Variants in DNASE2 observed in about 807,000 individuals in gnomAD.
DNASE2 encodes the protein deoxyribonuclease-2-alpha.
DNASE2 carries 26 observed loss-of-function variants against 29.8 expected under a neutral mutation model. The ratio of observed to expected loss-of-function variants is 0.87; its 90% CI spans 0.64 to 1.21. The LOEUF is 1.21. Ranked by LOEUF, DNASE2 falls within the 50% of genes most tolerant of loss-of-function variation. The pLI is 0.00. For missense variants in DNASE2, 415 were observed against 455.6 expected (o/e 0.91, Z 0.81); for synonymous variants, 186 against 193.5 (o/e 0.96, Z 0.32).
At chr19:12,876,620 C>T (rs1221030773) in intron 5 of DNASE2, among the ~76,000 whole-genome samples, 2 of 151,312 alleles carry the variant, frequency 1.3e-5, no homozygotes, top group East Asian at 1.9e-4. Flanking sequence ...CAACCATACC[C>T]GGCTAATTTT....
Position 12,875,733 on chromosome 19 carries a change from T to TA in DNASE2, c.*256dup. 3.7e-6 allele frequency: 1 copy of TA among 270,430 alleles called. No homozygotes were observed. The highest frequency in any genetic ancestry group is 3.7e-5 in the South Asian group (1 of 27,016). The allele number at this position is 270,430 out of a possible 1,614,324, so 16.8% of individuals were successfully genotyped here. A position where few individuals can be genotyped will look rare whatever the true frequency, so the allele number is the denominator to read the frequency against. On this transcript the variant is annotated 3_prime_UTR_variant, in exon 6 of 6. Transcript: ENST00000222219. Reference sequence around the variant, plus strand: ...CTTTTTTTTTGAAACAGAGTCTTGCTATGTGACCCAGGTTGGCGTAATCAT... The same window carrying TA: ...CTTTTTTTTTGAAACAGAGTCTTGCTAATGTGACCCAGGTTGGCGTAATCAT...
intron 1 of DNASE2, 54 bp from the exon 2 acceptor site, chr19:12,881,206 G>A: frequency 6.2e-7 from 1 of 1,611,226 alleles, no homozygotes; most frequent in East Asian, 2.2e-5. Context: ...AGGCACCCCA[G>A]GGTTCCCCGA....
chr19:12,876,551 C>T (rs903556958), intron 5 of DNASE2, among the ~76,000 whole-genome samples, 188 bp from the exon 6 acceptor site: 4 of 150,864 alleles, frequency 2.7e-5, no homozygotes, highest in Non-Finnish European at 4.4e-5. Flanking sequence ...CCTCTGCCTC[C>T]GAGGTTCAAG....
intron 1 of DNASE2, 63 bp downstream of exon 1, chr19:12,881,227 A>G: frequency 6.2e-7 from 1 of 1,608,206 alleles, no homozygotes; most frequent in Non-Finnish European, 8.5e-7. Context: ...GGAGGTAGCC[A>G]TCCCGGTTGA....
Position 12,878,593 on chromosome 19 carries a change from G to C in DNASE2, c.512-14C>G. ...TCAGCTGCTTGCCTGGAGGACAAGG[G>C]GAGGAGGAAATGCAAGATCGTTCCA... On this transcript the variant is annotated splice_polypyrimidine_tract_variant and intron_variant, in intron 4 of 5. Coordinates refer to ENST00000222219, the MANE Select transcript of DNASE2 (RefSeq NM_001375.3). 6.2e-7 allele frequency: 1 copy of C among 1,613,882 alleles called. No individual in the cohort carries two copies. Among genetic ancestry groups the C allele is most frequent in the Non-Finnish European group, 8.5e-7 (1 of 1,179,952 alleles).
At chr19:12,876,443 T>G in intron 5 of DNASE2, 80 bp from the exon 6 acceptor site, 1 of 1,455,982 alleles carries the variant, frequency 6.9e-7, no homozygotes, top group Non-Finnish European at 9.1e-7. Flanking sequence ...CTCTCTCAGC[T>G]CAGTTTCCAT....
chr19:12,877,777 C>G (rs957889592), intron 5 of DNASE2, among the ~76,000 whole-genome samples: 1 of 151,930 alleles, frequency 6.6e-6, no homozygotes, highest in African/African-American at 2.4e-5. Context: ...ATCTCCTGAG[C>G]TCGTGATCTG....
chr19:12,875,777 T>C lies in DNASE2; in HGVS notation c.*213A>G. 2.0e-6 allele frequency: 1 copy of C among 501,772 alleles called. No homozygotes were observed. Among genetic ancestry groups the C allele is most frequent in the Non-Finnish European group, 3.5e-6 (1 of 286,240 alleles). The allele number at this position is 501,772 out of a possible 1,614,324, so 31.1% of individuals were successfully genotyped here. A position where few individuals can be genotyped will look rare whatever the true frequency, so the allele number is the denominator to read the frequency against. ...TAATCATAGTTCACTGTGACCATGA[T>C]CTCCCTGGTTCAATCGATCCTCTGG... On this transcript the variant is annotated 3_prime_UTR_variant, in exon 6 of 6. Coordinates refer to ENST00000222219, the MANE Select transcript of DNASE2 (RefSeq NM_001375.3).
At position 12,878,586 on chromosome 19, in the gene DNASE2, G is replaced by T. The variant is rs756628525; in HGVS notation, c.512-7C>A. ...GTGTAGGTCAGCTGCTTGCCTGGAGGACAAGGGGAGGAGGAAATGCAAGAT... is the reference window on the plus strand; with the variant it reads ...GTGTAGGTCAGCTGCTTGCCTGGAGTACAAGGGGAGGAGGAAATGCAAGAT... On this transcript the variant is annotated splice_polypyrimidine_tract_variant and splice_region_variant and intron_variant, in intron 4 of 5. Transcript: ENST00000222219. 6.2e-7 allele frequency: 1 copy of T among 1,613,868 alleles called. No individual in the cohort carries two copies. Among genetic ancestry groups the T allele is most frequent in the South Asian group, 1.1e-5 (1 of 91,052 alleles).
rs1162197713 is a variant in DNASE2 at position 12,878,452 on chromosome 19, G to A, written c.639C>T (p.Ser213=). ...CGGCCTGGGATGTGAGTGTGATGCT[G>A]CTGTTCCAGGGTTCTTGGCTAACGT... The part of the protein sequence containing the change: ...GHHVSQEPWN[S]SITLTSQAGA... The change falls in exon 5 of 6, where the codon AGC becomes AGT. Residue 213 remains serine (S), a synonymous_variant. Transcript: ENST00000222219. The A allele has an allele frequency of 9.3e-6, 15 of 1,613,898 alleles. No individual in the cohort carries two copies. Among genetic ancestry groups the A allele is most frequent in the Non-Finnish European group, 1.3e-5 (15 of 1,180,048 alleles).
chr19:12,879,162 G>A (rs536777601), intron 3 of DNASE2, among the ~76,000 whole-genome samples: 3 of 145,456 alleles, frequency 2.1e-5, no homozygotes, highest in East Asian at 2.0e-4. Context: ...AAGTAAGTAA[G>A]TAAATAAATA....
At chr19:12,880,949 A>T (rs749797879) in intron 2 of DNASE2, 23 bp downstream of exon 2, 1 of 1,614,208 alleles carries the variant, frequency 6.2e-7, no homozygotes, top group South Asian at 1.1e-5. Flanking sequence ...TTTCGCCCCT[A>T]GTTGGCCCGG....
chr19:12,878,872 G>A (rs1177155279), intron 3 of DNASE2, 38 bp from the exon 4 acceptor site: 7 of 1,591,688 alleles, frequency 4.4e-6, no homozygotes, highest in East Asian at 4.6e-5. Context: ...GTCGGGCGCA[G>A]TGGCTCACGC....
chr19:12,879,002 G>A (rs1196857207), intron 3 of DNASE2, among the ~76,000 whole-genome samples, 168 bp from the exon 4 acceptor site: 2 of 151,604 alleles, frequency 1.3e-5, no homozygotes, highest in African/African-American at 4.8e-5. Context: ...AATTAGCTGA[G>A]CGTGGTGGTG....
In DNASE2 at chr19:12,878,815, G is replaced by A. The variant is rs749042220; in HGVS notation, c.366C>T (p.His122=). ...TGTGGACCAGCCAGAAGCCCCCATC[G>A]TGGTCAAGGAGCAGGACACCTGGAC... ...GHTKGVLLLD[H]DGGFWLVHSV... Residue 122 remains histidine (H), a synonymous_variant, in exon 4 of 6, where the codon CAC becomes CAT. Coordinates refer to ENST00000222219, the MANE Select transcript of DNASE2 (RefSeq NM_001375.3). The A allele has an allele frequency of 1.6e-5, 26 of 1,613,226 alleles. No homozygotes were observed. Among genetic ancestry groups the A allele is most frequent in the African/African-American group, 1.1e-4 (8 of 74,896 alleles).
rs1970312742 is a variant in DNASE2, at chr19:12,875,843, G to C, written c.*147C>G. On this transcript the variant is annotated 3_prime_UTR_variant, in exon 6 of 6. Transcript: ENST00000222219. ...CTACAGGCATTTATCACCGTGCCTG[G>C]CTAACTTTTTTTAAGTTCTAGTAGA... 1.0e-6 allele frequency: 1 copy of C among 996,330 alleles called. No homozygotes were observed. Among genetic ancestry groups the C allele is most frequent in the Non-Finnish European group, 1.5e-6 (1 of 689,200 alleles). The allele number at this position is 996,330 out of a possible 1,614,324, so 61.7% of individuals were successfully genotyped here. A position where few individuals can be genotyped will look rare whatever the true frequency, so the allele number is the denominator to read the frequency against.
chr19:12,880,732 CA>C, intron 3 of DNASE2, 69 bp downstream of exon 3: 1 of 1,594,842 alleles, frequency 6.3e-7, no homozygotes. Flanking sequence ...CCGACCACCC[CA>C]TGCACGTCAG....
chr19:12,879,174 A>G (rs113987449), intron 3 of DNASE2, among the ~76,000 whole-genome samples: 6 of 138,902 alleles, frequency 4.3e-5, no homozygotes, highest in Admixed American at 1.4e-4. Context: ...AAATAAATAA[A>G]TAAATAAATA....
chr19:12,877,171 C>T (rs1970330938), intron 5 of DNASE2, among the ~76,000 whole-genome samples: 6 of 151,232 alleles, frequency 4.0e-5, no homozygotes, highest in South Asian at 2.1e-4. Flanking sequence ...GTGACCCACC[C>T]GCCTTGGTCT....
Sources: gnomAD v4.1 joint callset for allele counts (sites outside exome capture counted in the v4.1 genomes callset) on GRCh38, gnomAD v4.1.1 for gene constraint, MANE v1.5 for transcripts, NCBI Gene and HGNC (gene_info 2026-07-23, HGNC 2026-07-21) for gene names.